MLXIPL: variants seen among roughly 807,000 people sequenced by gnomAD.
MLXIPL encodes the protein MLX interacting protein like.
In MLXIPL, 49 loss-of-function variants were observed where a neutral mutation model predicts 81.5. The ratio of observed to expected loss-of-function variants is 0.60; its 90% CI spans 0.48 to 0.76. The LOEUF (loss-of-function observed/expected upper bound fraction) is 0.76. Among genes scored for constraint, MLXIPL ranks in the 30% least tolerant of loss-of-function variants. MLXIPL has a pLI of 0.00. For missense variants in MLXIPL, 1,053 were observed against 1,167.0 expected (o/e 0.90, Z 1.42); for synonymous variants, 466 against 485.5 (o/e 0.96, Z 0.53).
chr7:73,647,414 C>T, the MLXIPL span, among the ~76,000 whole-genome samples: 1 of 152,172 alleles, frequency 6.6e-6, no homozygotes, highest in Non-Finnish European at 1.5e-5. Context: ...CTCCTGACTC[C>T]CTGGGCCCCC....
At position 73,623,568 on chromosome 7, in the gene MLXIPL, G is replaced by C. The variant is rs1796523538; in HGVS notation, c.293+632C>G. ...GGCACCGGCGTAACCTCTGCGAGCT[G>C]CGCCTCTTGGACATTTCTGGGACAT... On this transcript the variant is annotated intron_variant, in intron 1 of 16. Transcript: ENST00000313375. This position sits in a 1 kb window ranked among gnomAD's most constrained non-coding sequence, Gnocchi z 5.7. Among the ~76,000 whole-genome samples, 1 of 152,174 alleles carries C rather than the reference G, an allele frequency of 6.6e-6. No homozygotes were observed. Among genetic ancestry groups the C allele is most frequent in the Admixed American group, 6.5e-5 (1 of 15,268 alleles).
chr7:73,607,266 G>T, intron 4 of MLXIPL, 65 bp downstream of exon 4: 1 of 1,481,180 alleles, frequency 6.8e-7, no homozygotes. Flanking sequence ...GATCTTCCGA[G>T]GCGGGCGGTA....
intron 5 of MLXIPL, 161 bp from the exon 6 acceptor site, chr7:73,606,272 A>G: frequency 1.3e-6 from 1 of 740,934 alleles, no homozygotes; most frequent in South Asian, 1.6e-5. Flanking sequence ...TTGAAAGGCC[A>G]AGATCACTCC....
chr7:73,637,858 T>C, the MLXIPL span, among the ~76,000 whole-genome samples: 4 of 152,182 alleles, frequency 2.6e-5, no homozygotes, highest in Non-Finnish European at 5.9e-5. Context: ...GCCTGCCCTT[T>C]ATGCTAAGGG....
intron 2 of MLXIPL, among the ~76,000 whole-genome samples, chr7:73,612,800 T>G (rs782734969): frequency 6.6e-6 from 1 of 152,054 alleles, no homozygotes; most frequent in South Asian, 2.1e-4. Flanking sequence ...TGTTTAACAC[T>G]GATAAGTTCT....
intron 7 of MLXIPL, among the ~76,000 whole-genome samples, chr7:73,604,147 C>T (rs894765208): frequency 2.5e-5 from 3 of 120,014 alleles, no homozygotes; most frequent in African/African-American, 9.5e-5. Flanking sequence ...ACCTGGGAGG[C>T]GGAAGCTGCA....
chr7:73,621,008 C>G (rs746724840), intron 1 of MLXIPL, among the ~76,000 whole-genome samples: 1 of 151,696 alleles, frequency 6.6e-6, no homozygotes. Context: ...TGAGATCATG[C>G]CAGCGCACTC....
chr7:73,593,780 G>T lies in MLXIPL; in HGVS notation c.*85C>A. The T allele has an allele frequency of 8.4e-7, 1 of 1,192,948 alleles. No homozygotes were observed. Among genetic ancestry groups the T allele is most frequent in the Non-Finnish European group, 1.3e-6 (1 of 798,738 alleles). The allele number at this position is 1,192,948 out of a possible 1,614,324, so 73.9% of individuals were successfully genotyped here. A position where few individuals can be genotyped will look rare whatever the true frequency, so the allele number is the denominator to read the frequency against. On this transcript the variant is annotated 3_prime_UTR_variant, in exon 17 of 17. Coordinates refer to ENST00000313375, the MANE Select transcript of MLXIPL (RefSeq NM_032951.3). ...AGAGCCAGGGCCTGGGGCAGGAAGG[G>T]AGTGCCCAGAGATGATCCCTGGAGC...
intron 5 of MLXIPL, 176 bp downstream of exon 5, chr7:73,606,798 C>G (rs879956401): frequency 2.8e-6 from 2 of 716,930 alleles, no homozygotes; most frequent in Middle Eastern, 4.0e-4. Context: ...CTCACCCTCA[C>G]CCCCCAAGAA....
At chr7:73,626,413 C>T (rs902344599), upstream of MLXIPL, among the ~76,000 whole-genome samples, 1 of 152,220 alleles carries the variant, frequency 6.6e-6, no homozygotes, top group African/African-American at 2.4e-5. Flanking sequence ...AGCGATCCTC[C>T]CACCTCAGCC....
intron 2 of MLXIPL, among the ~76,000 whole-genome samples, chr7:73,615,688 G>A (rs894340977): frequency 1.3e-5 from 2 of 152,130 alleles, no homozygotes; most frequent in Non-Finnish European, 2.9e-5. Context: ...GCCAAGGTGG[G>A]CAGATCACTT....
intron 7 of MLXIPL, 72 bp from the exon 8 acceptor site, chr7:73,599,767 T>A: frequency 1.4e-6 from 2 of 1,398,702 alleles, no homozygotes; most frequent in Non-Finnish European, 2.0e-6. Flanking sequence ...GAGAGGAGAG[T>A]GGCCTGTCCC....
At chr7:73,625,462 T>G (rs1554603596), upstream of MLXIPL, among the ~76,000 whole-genome samples, 1 of 152,134 alleles carries the variant, frequency 6.6e-6, no homozygotes, top group African/African-American at 2.4e-5. Flanking sequence ...GTTAACATGG[T>G]GGCCAACACG....
Position 73,595,658 on chromosome 7 carries a change from C to A in MLXIPL, c.2289G>T (p.Leu763=). Residue 763 remains leucine (L), a synonymous_variant, in exon 15 of 17, where the codon CTG becomes CTT. Coordinates refer to ENST00000313375, the MANE Select transcript of MLXIPL (RefSeq NM_032951.3). ...MFDDYVRTRT[L]HNWKFWVFSI... is the part of the protein sequence containing the mutation. ...ATACCACCCAGAACTTCCAGTTGTGCAGCGTACGGGTTCGGACGTAGTCAT... is the reference window on the plus strand; with the variant it reads ...ATACCACCCAGAACTTCCAGTTGTGAAGCGTACGGGTTCGGACGTAGTCAT... 1.9e-6 allele frequency: 3 copies of A among 1,614,192 alleles called. No individual in the cohort carries two copies. The highest frequency in any genetic ancestry group is 2.5e-6 in the Non-Finnish European group (3 of 1,180,016).
At chr7:73,628,676 C>A, upstream of MLXIPL, among the ~76,000 whole-genome samples, 1 of 152,176 alleles carries the variant, frequency 6.6e-6, no homozygotes, top group East Asian at 1.9e-4. Context: ...GGCGCCGCAC[C>A]CCCTGTTCAG....
chr7:73,620,958 G>A (rs1370412605), intron 1 of MLXIPL, among the ~76,000 whole-genome samples: 1 of 151,412 alleles, frequency 6.6e-6, no homozygotes, highest in Non-Finnish European at 1.5e-5. Flanking sequence ...GCTGAGACAT[G>A]AGAATCGCTT....
At chr7:73,607,467 G>A in intron 3 of MLXIPL, 47 bp from the exon 4 acceptor site, 4 of 1,517,630 alleles carry the variant, frequency 2.6e-6, no homozygotes, top group Non-Finnish European at 3.6e-6. Context: ...GGGGAGCACC[G>A]CACACCCATC....
intron 1 of MLXIPL, among the ~76,000 whole-genome samples, chr7:73,620,566 C>A (rs542681873): frequency 2.2e-5 from 3 of 136,488 alleles, no homozygotes; most frequent in African/African-American, 8.3e-5. Flanking sequence ...TGGTGAAACT[C>A]CACCTGTACT....
intron 7 of MLXIPL, among the ~76,000 whole-genome samples, chr7:73,602,130 G>GCCTTCCTTCCTTCCTTCCTTCCTTCCTT (rs1211377104): frequency 0.053 from 4,222 of 80,048 alleles, 417 homozygotes; most frequent in East Asian, 0.12. Flanking sequence ...CTGCCTGCCT[G>GCCTTCCTTCCTTCCTTCCTTCCTTCCTT]CCTTCCTTCC....
Sources: gnomAD v4.1 joint callset for allele counts (sites outside exome capture counted in the v4.1 genomes callset) on GRCh38, gnomAD v4.1.1 for gene constraint, Gnocchi (gnomAD v3.1) non-coding constraint, MANE v1.5 for transcripts, NCBI Gene and HGNC (gene_info 2026-07-23, HGNC 2026-07-21) for gene names.